Variants in PLAAT1 observed in about 807,000 individuals in gnomAD.
PLAAT1 encodes H-REV107 protein-related protein.
In PLAAT1, 13 loss-of-function variants were observed where a neutral mutation model predicts 16.4. That is an observed-to-expected ratio of 0.79 (90% CI 0.52 to 1.26). The LOEUF is 1.26. PLAAT1 is among the 50% of genes most tolerant of loss of function. The probability of loss-of-function intolerance (pLI) is 0.00; values close to 1 mark genes in which losing one functional copy is unlikely to be tolerated. For synonymous variants in PLAAT1, 73 were observed against 78.4 expected (o/e 0.93, Z 0.36); for missense variants, 218 against 207.8 (o/e 1.05, Z -0.30).
chr3:193,270,895 A>G, downstream of PLAAT1: 1 of 1,245,942 alleles, frequency 8.0e-7, no homozygotes, highest in Non-Finnish European at 1.0e-6. Flanking sequence ...GCTAGCATAG[A>G]TGTACTGTGG....
At chr3:193,246,258 C>T (rs1437889607) in intron 1 of PLAAT1, among the ~76,000 whole-genome samples, 3 of 151,976 alleles carry the variant, frequency 2.0e-5, no homozygotes, top group African/African-American at 7.3e-5. Context: ...AGTTTTGTAG[C>T]GTGAATGGGT....
intron 3 of PLAAT1, among the ~76,000 whole-genome samples, chr3:193,267,408 C>T (rs912929732): frequency 1.3e-5 from 2 of 151,542 alleles, no homozygotes; most frequent in African/African-American, 2.4e-5. Flanking sequence ...TTTTTTTTAC[C>T]ATCTCCATAG....
intron 1 of PLAAT1, among the ~76,000 whole-genome samples, chr3:193,244,651 A>G (rs1715911891): frequency 6.6e-6 from 1 of 152,170 alleles, no homozygotes; most frequent in African/African-American, 2.4e-5. Context: ...TCTTATAGTT[A>G]TGGAGGCTGA....
At chr3:193,240,798 C>T (rs1054513001), upstream of PLAAT1, among the ~76,000 whole-genome samples, 4 of 151,934 alleles carry the variant, frequency 2.6e-5, no homozygotes, top group African/African-American at 9.7e-5. Flanking sequence ...GACTCAAAGA[C>T]CCAGAGGCTT....
At chr3:193,275,199 T>C, downstream of PLAAT1, 2 of 1,614,202 alleles carry the variant, frequency 1.2e-6, no homozygotes, top group Non-Finnish European at 8.5e-7. Context: ...CCAGGTTGAG[T>C]CTTCTGCTAG....
At chr3:193,271,209 C>A (rs1716972833), downstream of PLAAT1, among the ~76,000 whole-genome samples, 1 of 152,132 alleles carries the variant, frequency 6.6e-6, no homozygotes, top group Admixed American at 6.5e-5. Flanking sequence ...AATGCACCCT[C>A]ATCTTCTTCC....
intron 1 of PLAAT1, among the ~76,000 whole-genome samples, chr3:193,252,805 T>G (rs1276796564): frequency 6.6e-6 from 1 of 152,202 alleles, no homozygotes. Context: ...TCAAAAATCT[T>G]TTATATAATA....
At chr3:193,254,258 A>G (rs1391941733) in intron 1 of PLAAT1, among the ~76,000 whole-genome samples, 3 of 152,144 alleles carry the variant, frequency 2.0e-5, no homozygotes, top group Non-Finnish European at 4.4e-5. Flanking sequence ...TTGGGAAAAC[A>G]CCCTTCTAAC....
chr3:193,252,989 C>A (rs775913750), intron 1 of PLAAT1, among the ~76,000 whole-genome samples: 1 of 152,092 alleles, frequency 6.6e-6, no homozygotes, highest in Non-Finnish European at 1.5e-5. Flanking sequence ...GTAGGGCTCT[C>A]ATGTTGTCCC....
At chr3:193,255,593 A>G (rs1406066841) in intron 1 of PLAAT1, 58 bp from the exon 2 acceptor site, 42 of 1,540,804 alleles carry the variant, frequency 2.7e-5, no homozygotes, top group Non-Finnish European at 3.5e-5. Flanking sequence ...GATGTCTTAA[A>G]CTGATTTTCT....
chr3:193,270,374 A>G (rs1199311529), intron 3 of PLAAT1, among the ~76,000 whole-genome samples: 1 of 152,236 alleles, frequency 6.6e-6, no homozygotes, highest in Non-Finnish European at 1.5e-5. Flanking sequence ...CTTTAAAAAT[A>G]TGAGGAATAT....
At chr3:193,254,243 A>G (rs1031591618) in intron 1 of PLAAT1, among the ~76,000 whole-genome samples, 1 of 152,188 alleles carries the variant, frequency 6.6e-6, no homozygotes, top group Non-Finnish European at 1.5e-5. Flanking sequence ...ATGGCATACA[A>G]ACACTTGGGA....
chr3:193,247,008 T>G (rs891777216), intron 1 of PLAAT1, among the ~76,000 whole-genome samples: 7 of 152,124 alleles, frequency 4.6e-5, no homozygotes, highest in African/African-American at 1.7e-4. Flanking sequence ...TGGTGGGAGA[T>G]TGTTTATTAC....
chr3:193,245,197 C>G (rs1640572427), intron 1 of PLAAT1, among the ~76,000 whole-genome samples: 1 of 152,184 alleles, frequency 6.6e-6, no homozygotes, highest in Non-Finnish European at 1.5e-5. Context: ...TCCCTTTCCT[C>G]ATTTCTCTCT....
intron 3 of PLAAT1, among the ~76,000 whole-genome samples, chr3:193,269,920 G>T (rs1275061951): frequency 6.6e-6 from 1 of 152,138 alleles, no homozygotes; most frequent in African/African-American, 2.4e-5. Flanking sequence ...GTCTACATGA[G>T]AAATTAATTT....
chr3:193,241,078 C>A, upstream of PLAAT1: 1 of 621,912 alleles, frequency 1.6e-6, no homozygotes, highest in Non-Finnish European at 2.2e-6. Flanking sequence ...CGTGCGCGCG[C>A]GGAGGCGGCT....
chr3:193,273,084 T>TG (rs1158607778), downstream of PLAAT1, among the ~76,000 whole-genome samples: 4 of 152,250 alleles, frequency 2.6e-5, no homozygotes, highest in East Asian at 5.8e-4. Context: ...TAGGAAAACC[T>TG]GGGGGGAGAA....
downstream of PLAAT1, among the ~76,000 whole-genome samples, chr3:193,271,841 C>G (rs1228924241): frequency 6.6e-6 from 1 of 152,138 alleles, no homozygotes; most frequent in Non-Finnish European, 1.5e-5. Context: ...TTAGATTTTA[C>G]CCCAGGGCCA....
chr3:193,276,451 C>T (rs1022864337), intron 2 of PLAAT1, among the ~76,000 whole-genome samples: 5 of 152,178 alleles, frequency 3.3e-5, no homozygotes, highest in African/African-American at 1.2e-4. Flanking sequence ...CTAGTCTTTA[C>T]TAGATTGTTG....
Sources: allele counts gnomAD v4.1 joint callset (sites outside exome capture counted in the v4.1 genomes callset), GRCh38; gene constraint gnomAD v4.1.1; transcripts MANE v1.5; gene names NCBI Gene and HGNC (gene_info 2026-07-23, HGNC 2026-07-21).